GRIN2B: variants seen among roughly 807,000 people sequenced by gnomAD.
GRIN2B encodes glutamate receptor ionotropic, NMDA 2B.
Under a neutral mutation model 114.5 loss-of-function variants are expected in GRIN2B, and 5 were observed. The observed-to-expected ratio is 0.04, with a 90% CI of 0.02 to 0.09. GRIN2B has a LOEUF of 0.09. Ranked by LOEUF, GRIN2B falls within the 10% of genes least tolerant of loss-of-function variation. The pLI, the probability that GRIN2B is intolerant of heterozygous loss-of-function variation, is 1.00. For synonymous variants in GRIN2B, 787 were observed against 745.1 expected, an observed-to-expected ratio of 1.06 and a Z score of -0.92; for missense variants, 1,108 against 1,943.5, an observed-to-expected ratio of 0.57 and a Z score of 8.08.
chr12:13,751,936 G>A (rs777872858), intron 4 of GRIN2B, among the ~76,000 whole-genome samples: 7 of 152,086 alleles, frequency 4.6e-5, no homozygotes, highest in Non-Finnish European at 8.8e-5. Flanking sequence ...AACCAGAGAG[G>A]TAGAAGAAAA....
chr12:13,643,748 G>A (rs534008533), intron 5 of GRIN2B, among the ~76,000 whole-genome samples: 13 of 152,102 alleles, frequency 8.5e-5, no homozygotes, highest in Middle Eastern at 3.4e-3. Context: ...ATTCTTTTTC[G>A]TTATTTCGAC....
intron 3 of GRIN2B, among the ~76,000 whole-genome samples, chr12:13,768,319 C>G (rs1160974214): frequency 6.6e-6 from 1 of 152,162 alleles, no homozygotes; most frequent in African/African-American, 2.4e-5. Context: ...GAAAAATGAG[C>G]CAGAACCATC....
chr12:13,594,635 G>A (rs895378923), intron 10 of GRIN2B, among the ~76,000 whole-genome samples: 25 of 149,810 alleles, frequency 1.7e-4, no homozygotes, highest in Non-Finnish European at 2.8e-4. Context: ...TAACAAACCC[G>A]CACATTCTGC....
chr12:13,965,947 G>A (rs933764231), intron 2 of GRIN2B, among the ~76,000 whole-genome samples: 5 of 151,968 alleles, frequency 3.3e-5, no homozygotes, highest in African/African-American at 1.2e-4. Context: ...TTGTTTATCC[G>A]AGCAGGATCC....
chr12:13,685,219 AC>A (rs1233307369), intron 4 of GRIN2B, among the ~76,000 whole-genome samples: 1 of 152,196 alleles, frequency 6.6e-6, no homozygotes, highest in East Asian at 1.9e-4. Flanking sequence ...TGGGTGGTCA[AC>A]AAAATCAACA....
At chr12:13,623,951 G>A (rs1019709835) in intron 5 of GRIN2B, among the ~76,000 whole-genome samples, 2 of 152,004 alleles carry the variant, frequency 1.3e-5, no homozygotes, top group Non-Finnish European at 2.9e-5. Flanking sequence ...GCTTTCTGTT[G>A]TTGCACATGA....
At chr12:13,912,752 G>A (rs1409082694) in intron 2 of GRIN2B, among the ~76,000 whole-genome samples, 1 of 152,144 alleles carries the variant, frequency 6.6e-6, no homozygotes, top group African/African-American at 2.4e-5. Context: ...GAGGATGAAT[G>A]TTCTTCATGG....
chr12:13,595,723 G>A (rs920855709), intron 10 of GRIN2B, among the ~76,000 whole-genome samples: 2 of 152,154 alleles, frequency 1.3e-5, no homozygotes, highest in African/African-American at 4.8e-5. Context: ...AGTGCTGAAG[G>A]CTGCATTGTT....
chr12:13,911,399 C>T (rs2136799739), intron 2 of GRIN2B, among the ~76,000 whole-genome samples: 1 of 152,202 alleles, frequency 6.6e-6, no homozygotes, highest in African/African-American at 2.4e-5. Context: ...AACAAGAAGG[C>T]CTCGTCAACG....
At chr12:13,783,866 G>A (rs1278718274) in intron 3 of GRIN2B, among the ~76,000 whole-genome samples, 1 of 152,152 alleles carries the variant, frequency 6.6e-6, no homozygotes, top group Non-Finnish European at 1.5e-5. Context: ...TGAGAGTTCA[G>A]TGTTTTCAGA....
intron 3 of GRIN2B, among the ~76,000 whole-genome samples, chr12:13,789,020 CT>C (rs1371318004): frequency 1.3e-5 from 2 of 152,208 alleles, no homozygotes; most frequent in Non-Finnish European, 2.9e-5. Flanking sequence ...CAAGTCAGCT[CT>C]AGCTAAACCT....
rs1038228410 is a variant in GRIN2B at position 13,560,770 on chromosome 12, C to T, written c.*2013G>A. On this transcript the variant is annotated 3_prime_UTR_variant, in exon 14 of 14. Coordinates refer to ENST00000609686, the MANE Select transcript of GRIN2B (RefSeq NM_000834.5). ...AAAGCTTTACAAGGCCTTCAGTTGG[C>T]TTTAAAATGAAAGATACTGAGGTAA... The T allele has an allele frequency of 6.6e-6, 1 of 152,196 alleles. No individual in the cohort carries two copies. The highest frequency in any genetic ancestry group is 2.4e-5 in the African/African-American group (1 of 41,440). 9.4% of individuals were successfully genotyped at this position (152,196 alleles called of 1,614,324 possible). A position where few individuals can be genotyped will look rare whatever the true frequency, so the allele number is the denominator to read the frequency against.
chr12:13,582,017 T>C (rs1218464977), intron 10 of GRIN2B, among the ~76,000 whole-genome samples: 3 of 152,186 alleles, frequency 2.0e-5, no homozygotes, highest in African/African-American at 7.2e-5. Flanking sequence ...ATTAACTGTG[T>C]GACTCAATAA....
chr12:13,652,521 C>G (rs535378945), intron 5 of GRIN2B, among the ~76,000 whole-genome samples: 1 of 151,834 alleles, frequency 6.6e-6, no homozygotes, highest in African/African-American at 2.4e-5. Context: ...CTAGACAAAG[C>G]GGAAACCATG....
chr12:13,784,215 C>G (rs1180668596), intron 3 of GRIN2B, among the ~76,000 whole-genome samples: 1 of 93,484 alleles, frequency 1.1e-5, no homozygotes, highest in Non-Finnish European at 1.9e-5. Flanking sequence ...CAGAGTGAGA[C>G]TTCGCCTCAA....
At chr12:13,589,653 G>A (rs959975519) in intron 10 of GRIN2B, among the ~76,000 whole-genome samples, 2 of 152,200 alleles carry the variant, frequency 1.3e-5, no homozygotes, top group African/African-American at 4.8e-5. Context: ...CAATGAAACT[G>A]ACTTGTATCC....
chr12:13,563,894 C>T lies in GRIN2B; in HGVS notation c.3344G>A (p.Arg1115His), dbSNP rs199514711. The change falls in exon 14 of 14, where the codon CGC (arginine) becomes CAC (histidine). Residue 1115 changes from arginine (R) to histidine (H), a missense_variant. By Grantham distance (29) the Arg-to-His change is conservative (BLOSUM62 0). Coordinates refer to ENST00000609686, the MANE Select transcript of GRIN2B (RefSeq NM_000834.5). ...IELAYRRRPP[R>H]SPDHKRYFRD... is the part of the protein sequence containing the mutation. ...GAAGTAGCGCTTGTGGTCAGGGGAG[C>T]GGGGCGGTCGGCGACGGTAGGCCAG... The T allele has an allele frequency of 4.3e-6, 7 of 1,614,092 alleles. No individual in the cohort carries two copies. Among genetic ancestry groups the T allele is most frequent in the South Asian group, 1.1e-5 (1 of 91,086 alleles).
rs138652277 is a variant in GRIN2B at position 13,632,766 on chromosome 12, T to C, written c.1126-16109A>G. On this transcript the variant is annotated intron_variant, in intron 5 of 13. Transcript: ENST00000609686. ...GGGGAGGGAGGGTGTGCAGGTAGAC[T>C]GGTAGATCTGGAAGTGACCTAGAAA... Among the ~76,000 whole-genome samples the C allele has an allele frequency of 1.5e-4, 23 of 152,316 alleles. No individual in the cohort carries two copies. In the East Asian group the frequency reaches 4.4e-3, roughly 29 times the overall value.
intron 10 of GRIN2B, among the ~76,000 whole-genome samples, chr12:13,607,319 A>AATATAT: frequency 1.7e-5 from 1 of 57,642 alleles, no homozygotes; most frequent in Non-Finnish European, 3.1e-5. Flanking sequence ...ATATAATATA[A>AATATAT]AATATATAAT....
Sources: gnomAD v4.1 joint callset for allele counts (sites outside exome capture counted in the v4.1 genomes callset) on GRCh38, gnomAD v4.1.1 for gene constraint, MANE v1.5 for transcripts, NCBI Gene and HGNC (gene_info 2026-07-23, HGNC 2026-07-21) for gene names.